Variants in UPF2 observed in about 807,000 individuals in gnomAD.
The protein encoded by UPF2 is UPF2 regulator of nonsense mediated mRNA decay.
Under a neutral mutation model 141.4 loss-of-function variants are expected in UPF2, and 17 were observed. The ratio of observed to expected loss-of-function variants is 0.12; its 90% CI spans 0.08 to 0.18. The LOEUF (loss-of-function observed/expected upper bound fraction) is 0.18, where lower values mean the gene tolerates loss of function less well. Among genes scored for constraint, UPF2 ranks in the 10% least tolerant of loss-of-function variants. The pLI is 1.00. For missense variants in UPF2, 1,152 were observed against 1,515.9 expected, an observed-to-expected ratio of 0.76 and a Z score of 3.99; for synonymous variants, 540 against 498.0, an observed-to-expected ratio of 1.08 and a Z score of -1.12.
chr10:12,040,200 C>T (rs1588585539), intron 1 of UPF2, among the ~76,000 whole-genome samples: 1 of 152,098 alleles, frequency 6.6e-6, no homozygotes, highest in Admixed American at 6.6e-5. Flanking sequence ...GCAGGTAGAT[C>T]ACGAGGTCAA....
chr10:12,001,185 G>A (rs181986007), intron 6 of UPF2, among the ~76,000 whole-genome samples: 7 of 152,224 alleles, frequency 4.6e-5, no homozygotes, highest in Admixed American at 2.6e-4. Flanking sequence ...GAGCCAAGGC[G>A]GGCGGATCAC....
In UPF2 at chr10:12,035,346, A is replaced by G; in HGVS notation, c.78T>C (p.Ser26=). ...SLPNNKEKDC[S]ERRTVSSKER... is the part of the protein sequence containing the mutation. ...CCTTGCTGCTCACTGTCCGCCTTTCACTGCAGTCTTTTTCCTTGTTGTTTG... is the reference window on the plus strand; with the variant it reads ...CCTTGCTGCTCACTGTCCGCCTTTCGCTGCAGTCTTTTTCCTTGTTGTTTG... The change falls in exon 2 of 22, where the codon AGT becomes AGC. Residue 26 remains serine (S), a synonymous_variant. Coordinates refer to ENST00000357604, the MANE Select transcript of UPF2 (RefSeq NM_015542.4). The G allele has an allele frequency of 6.2e-7, 1 of 1,607,330 alleles. No individual in the cohort carries two copies. The highest frequency in any genetic ancestry group is 1.7e-4 in the Middle Eastern group (1 of 6,032).
At chr10:12,029,621 T>A in intron 2 of UPF2, 97 bp from the exon 3 acceptor site, 1 of 1,303,480 alleles carries the variant, frequency 7.7e-7, no homozygotes, top group Non-Finnish European at 1.0e-6. Flanking sequence ...AAAAATTATC[T>A]AAGTATAACA....
At chr10:11,963,077 C>T (rs889976760) in intron 11 of UPF2, among the ~76,000 whole-genome samples, 17 of 152,016 alleles carry the variant, frequency 1.1e-4, no homozygotes, top group Admixed American at 3.3e-4. Context: ...ATTTTATATT[C>T]CAAGGGTCTA....
intron 4 of UPF2, among the ~76,000 whole-genome samples, chr10:12,012,603 T>C (rs1259538954): frequency 6.6e-6 from 1 of 151,126 alleles, no homozygotes; most frequent in Non-Finnish European, 1.5e-5. Context: ...ATCGAGATCA[T>C]CCTGGCTAAC....
In UPF2 at chr10:12,035,111, G is replaced by T; in HGVS notation, c.313C>A (p.Gln105Lys). Residue 105 changes from glutamine to lysine, a missense_variant, in exon 2 of 22, where the codon CAA (glutamine) becomes AAA (lysine). Gln to Lys is a moderately conservative substitution (Grantham distance 53). Coordinates refer to ENST00000357604, the MANE Select transcript of UPF2 (RefSeq NM_015542.4). The stretch of plus-strand genomic sequence containing the variant: ...TGCTGACGTTTGGCCTGCTCTTCTT[G>T]CTTCTTTCTCTCTTCCTCTTGATGT... ...KKHQEEERKK[Q>K]EEQAKRQQEE... The T allele has an allele frequency of 6.3e-7, 1 of 1,587,996 alleles. No homozygotes were observed.
chr10:11,967,361 C>A lies in UPF2; in HGVS notation c.2047G>T (p.Asp683Tyr). The A allele has an allele frequency of 6.3e-7, 1 of 1,576,748 alleles. No individual in the cohort carries two copies. Among genetic ancestry groups the A allele is most frequent in the South Asian group, 1.2e-5 (1 of 83,154 alleles). Residue 683 changes from aspartate to tyrosine, a missense_variant, in exon 10 of 22, where the codon GAC (aspartate) becomes TAC (tyrosine). This residue lies in a region of UPF2 where 739 missense variants were observed against 1,032.2 expected (regional missense o/e 0.72). Transcript: ENST00000357604. ...CTAACCTTTAAACAATGCAGTGTGT[C>A]ATTTTTGGTGAACATCTTAAACTTA... is the stretch of plus-strand genomic sequence containing the variant. ...LTKFKMFTKN[D>Y]TLHCLKMLLS...
intron 18 of UPF2, among the ~76,000 whole-genome samples, chr10:11,938,670 T>A (rs1044482272): frequency 6.6e-6 from 1 of 151,950 alleles, no homozygotes; most frequent in Non-Finnish European, 1.5e-5. Context: ...TCATTCATCA[T>A]TTCTCATTGA....
chr10:12,000,689 C>T (rs1216858726), intron 6 of UPF2, among the ~76,000 whole-genome samples: 1 of 152,044 alleles, frequency 6.6e-6, no homozygotes, highest in Non-Finnish European at 1.5e-5. Flanking sequence ...CGTCTACAGT[C>T]CCAGCTACTT....
intron 8 of UPF2, among the ~76,000 whole-genome samples, chr10:11,997,409 G>T (rs1833881982): frequency 6.6e-6 from 1 of 151,894 alleles, no homozygotes; most frequent in Non-Finnish European, 1.5e-5. Flanking sequence ...ATTGCTTCTA[G>T]CAATTCTTCT....
chr10:12,035,615 C>G, intron 1 of UPF2, 174 bp from the exon 2 acceptor site: 1 of 669,292 alleles, frequency 1.5e-6, no homozygotes, highest in Non-Finnish European at 2.2e-6. Context: ...TCACATTCCA[C>G]ATCCTATCAT....
intron 16 of UPF2, among the ~76,000 whole-genome samples, chr10:11,946,973 G>C (rs118005383): frequency 6.6e-6 from 1 of 152,196 alleles, no homozygotes; most frequent in African/African-American, 2.4e-5. Flanking sequence ...AGGCCAAGGT[G>C]GGGGGATCAC....
At position 11,955,146 on chromosome 10, in the gene UPF2, C is replaced by T. The variant is rs905887434; in HGVS notation, c.2850+86G>A. 3.9e-6 allele frequency: 5 copies of T among 1,274,138 alleles called. No homozygotes were observed. The African/African-American group carries it at 4.5e-5, about 12-fold the overall frequency. The allele number at this position is 1,274,138 out of a possible 1,614,324, so 78.9% of individuals were successfully genotyped here. On this transcript the variant is annotated intron_variant, in intron 14 of 21. Coordinates refer to ENST00000357604, the MANE Select transcript of UPF2 (RefSeq NM_015542.4). ...TGAACATATATATAATATATGAATA[C>T]CATAACGTTTCTTCTCTCATAGTAT...
intron 1 of UPF2, among the ~76,000 whole-genome samples, chr10:12,036,705 T>A (rs939084604): frequency 5.9e-5 from 9 of 152,234 alleles, no homozygotes; most frequent in African/African-American, 1.9e-4. Context: ...TTTTAACTCC[T>A]AAATTATCTA....
intron 2 of UPF2, among the ~76,000 whole-genome samples, chr10:12,030,502 T>G (rs1156436916): frequency 6.6e-6 from 1 of 151,654 alleles, no homozygotes; most frequent in African/African-American, 2.4e-5. Flanking sequence ...ATCTCCCAAC[T>G]GCACTCCAAC....
intron 16 of UPF2, among the ~76,000 whole-genome samples, chr10:11,945,993 T>C (rs993613437): frequency 2.6e-5 from 4 of 152,176 alleles, no homozygotes; most frequent in African/African-American, 9.7e-5. Flanking sequence ...TCATCTAGTA[T>C]ACTGAAGCCA....
chr10:11,934,987 T>C (rs1249494391), intron 19 of UPF2, among the ~76,000 whole-genome samples: 3 of 152,048 alleles, frequency 2.0e-5, no homozygotes, highest in African/African-American at 7.2e-5. Context: ...GTATATCACT[T>C]GTATACTGCA....
chr10:11,925,089 G>GT (rs1378043899), intron 21 of UPF2, among the ~76,000 whole-genome samples: 4 of 152,104 alleles, frequency 2.6e-5, no homozygotes, highest in Admixed American at 6.5e-5. Context: ...AAAGTGCTGG[G>GT]ATACAGGTAT....
At chr10:11,930,009 G>C (rs770889522) in intron 20 of UPF2, 24 bp from the exon 21 acceptor site, 1 of 1,614,024 alleles carries the variant, frequency 6.2e-7, no homozygotes. Context: ...CAAAAAAAGA[G>C]AATGCTGTTA....
Sources: gnomAD v4.1 joint callset for allele counts (sites outside exome capture counted in the v4.1 genomes callset) on GRCh38, gnomAD v4.1.1 for gene constraint, gnomAD v4.1.1 regional missense constraint, MANE v1.5 for transcripts, NCBI Gene and HGNC (gene_info 2026-07-23, HGNC 2026-07-21) for gene names.